IMMT: variants seen among roughly 807,000 people sequenced by gnomAD.
IMMT encodes the protein inner membrane mitochondrial protein, also known as MICOS complex subunit MIC60.
IMMT carries 40 observed loss-of-function variants against 92.7 expected under a neutral mutation model. The ratio of observed to expected loss-of-function variants is 0.43; its 90% CI spans 0.34 to 0.56. The LOEUF (loss-of-function observed/expected upper bound fraction) is 0.56. IMMT is among the 20% of genes least tolerant of loss of function. The pLI is 0.03. For missense variants in IMMT, 831 were observed against 912.1 expected (o/e 0.91, Z 1.14); for synonymous variants, 322 against 336.1 (o/e 0.96, Z 0.46).
chr2:86,171,211 A>C lies in IMMT; in HGVS notation c.556T>G (p.Ser186Ala). ...IGEGKPTPAL[S>A]EEASSSSIRE... ...CAAATAGAAATAATTAAATTACCTGAAAGTGCAGGTGTGGGTTTTCCTTCA... is the reference window on the plus strand; with the variant it reads ...CAAATAGAAATAATTAAATTACCTGCAAGTGCAGGTGTGGGTTTTCCTTCA... Residue 186 changes from serine (S) to alanine (A), a missense_variant, in exon 5 of 15, where the codon TCA becomes GCA. Ser to Ala is a moderately conservative substitution (Grantham distance 99). Transcript: ENST00000410111. 1 of 1,587,670 alleles carries C rather than the reference A, an allele frequency of 6.3e-7. No homozygotes were observed. The highest frequency in any genetic ancestry group is 8.6e-7 in the Non-Finnish European group (1 of 1,165,922).
chr2:86,166,487 C>T, intron 7 of IMMT, 21 bp downstream of exon 7: 2 of 1,597,316 alleles, frequency 1.3e-6, no homozygotes, highest in Non-Finnish European at 1.7e-6. Context: ...CAGAACACTT[C>T]TAATCATTCA....
At chr2:86,172,877 T>G (rs928230992) in intron 4 of IMMT, among the ~76,000 whole-genome samples, 1 of 152,186 alleles carries the variant, frequency 6.6e-6, no homozygotes, top group Non-Finnish European at 1.5e-5. Context: ...CCCTTCCAGG[T>G]AAGGTATTCC....
rs1398164686 is a variant in IMMT at position 86,156,165 on chromosome 2, G to A, written c.1162+2427C>T. ...TGTACTGCATGATGTTTAGCAGCAC[G>A]TCTGGCCTCCACCCACTACATGCCA... is the stretch of plus-strand genomic sequence containing the variant. On this transcript the variant is annotated intron_variant, in intron 10 of 14. Transcript: ENST00000410111. Among the ~76,000 whole-genome samples, 4 of 152,158 alleles carry A rather than the reference G, an allele frequency of 2.6e-5. 1 individual carries two copies. Among genetic ancestry groups the A allele is most frequent in the African/African-American group, 9.7e-5 (4 of 41,430 alleles).
chr2:86,160,589 T>A (rs1473970522), intron 8 of IMMT, among the ~76,000 whole-genome samples: 1 of 152,064 alleles, frequency 6.6e-6, no homozygotes, highest in Non-Finnish European at 1.5e-5. Flanking sequence ...CTACTAATAA[T>A]AAATATTTTC....
intron 1 of IMMT, among the ~76,000 whole-genome samples, chr2:86,194,297 G>C (rs1412557272): frequency 6.6e-6 from 1 of 152,220 alleles, no homozygotes; most frequent in East Asian, 1.9e-4. Flanking sequence ...CTATCCTACA[G>C]AACCCGTAAG....
chr2:86,165,489 G>A (rs1308247403), intron 7 of IMMT, among the ~76,000 whole-genome samples: 7 of 152,110 alleles, frequency 4.6e-5, no homozygotes, highest in Admixed American at 4.6e-4. Flanking sequence ...AAGTACATAC[G>A]ACTGAAACAA....
At position 86,158,738 on chromosome 2, in the gene IMMT, G is replaced by C. The variant is rs201349422; in HGVS notation, c.1033-17C>G. On this transcript the variant is annotated splice_polypyrimidine_tract_variant and intron_variant, in intron 9 of 14. Coordinates refer to ENST00000410111, the MANE Select transcript of IMMT (RefSeq NM_006839.3). ...TGCTTGGACCTGAGCAAATACACAG[G>C]GTATGTGATTAAATTGAACAAAAAA... is the stretch of plus-strand genomic sequence containing the variant. 36 of 1,575,118 alleles carry C rather than the reference G, an allele frequency of 2.3e-5. No homozygotes were observed. The African/African-American group carries it at 3.4e-4, about 15-fold the overall frequency.
chr2:86,168,325 T>A (rs1180688861), intron 6 of IMMT, among the ~76,000 whole-genome samples: 2 of 152,200 alleles, frequency 1.3e-5, no homozygotes, highest in Non-Finnish European at 2.9e-5. Flanking sequence ...GTAAGAATAC[T>A]AATTTAATAA....
chr2:86,144,917 T>A, intron 14 of IMMT, 36 bp from the exon 15 acceptor site: 1 of 1,549,782 alleles, frequency 6.5e-7, no homozygotes, highest in Non-Finnish European at 8.7e-7. Context: ...AACATTTTTC[T>A]CTCCATCTGA....
rs749744552 is a variant in IMMT at position 86,179,553 on chromosome 2, T to C, written c.189A>G (p.Leu63=). The change falls in exon 3 of 15, where the codon CTA becomes CTG. Residue 63 remains leucine (L), a synonymous_variant. Transcript: ENST00000410111. The part of the protein sequence containing the change: ...FVGGGIGGTI[L]YAKWDSHFRE... ...GGAAATGGGAATCCCATTTGGCATA[T>C]AGGATAGTGCCACCAATACCTCCAC... 6.2e-7 allele frequency: 1 copy of C among 1,613,162 alleles called. No homozygotes were observed. Among genetic ancestry groups the C allele is most frequent in the Non-Finnish European group, 8.5e-7 (1 of 1,179,532 alleles).
chr2:86,149,694 A>G (rs1238394934), intron 12 of IMMT, among the ~76,000 whole-genome samples: 8 of 152,144 alleles, frequency 5.3e-5, no homozygotes, highest in Non-Finnish European at 5.9e-5. Flanking sequence ...CCTGGCCAAC[A>G]TGGCAAAACC....
chr2:86,181,452 A>G, intron 1 of IMMT, 80 bp from the exon 2 acceptor site: 1 of 905,130 alleles, frequency 1.1e-6, no homozygotes, highest in Non-Finnish European at 1.7e-6. Context: ...CAGAAATAAT[A>G]CTTTTATTAA....
intron 8 of IMMT, among the ~76,000 whole-genome samples, chr2:86,161,698 T>G (rs1676289995): frequency 6.6e-6 from 1 of 151,818 alleles, no homozygotes; most frequent in South Asian, 2.1e-4. Context: ...GCATTTTTAA[T>G]AGAGACGGGG....
chr2:86,171,169 T>C, intron 5 of IMMT, 39 bp downstream of exon 5: 3 of 1,524,862 alleles, frequency 2.0e-6, no homozygotes, highest in Non-Finnish European at 2.7e-6. Context: ...CTGATGAGTG[T>C]ATCATGTATA....
chr2:86,159,409 CA>C (rs1676103495), intron 9 of IMMT, 126 bp downstream of exon 9: 3 of 860,784 alleles, frequency 3.5e-6, no homozygotes, highest in Middle Eastern at 2.2e-4. Flanking sequence ...AAAACAGTAA[CA>C]ACGAATACAC....
At chr2:86,157,419 G>A (rs1675927565) in intron 10 of IMMT, among the ~76,000 whole-genome samples, 1 of 152,128 alleles carries the variant, frequency 6.6e-6, no homozygotes, top group Non-Finnish European at 1.5e-5. Context: ...GTTCTGTGAT[G>A]CAACCCTGAC....
rs1344323428 is a variant in IMMT at position 86,147,943 on chromosome 2, G to A, written c.1402-110C>T. The A allele has an allele frequency of 3.0e-5, 30 of 1,000,872 alleles. No homozygotes were observed. The East Asian group carries it at 3.2e-4, about 11-fold the overall frequency. 62.0% of individuals were successfully genotyped at this position (1,000,872 alleles called of 1,614,324 possible). ...CAACAGCAGCTTCCATATCCTGAACGCCTCTAATGTGCCAGGCATGTGTAC... is the reference window on the plus strand; with the variant it reads ...CAACAGCAGCTTCCATATCCTGAACACCTCTAATGTGCCAGGCATGTGTAC... On this transcript the variant is annotated intron_variant, in intron 12 of 14. Coordinates refer to ENST00000410111, the MANE Select transcript of IMMT (RefSeq NM_006839.3).
intron 4 of IMMT, chr2:86,173,397 A>T (rs1202617182): frequency 1.1e-5 from 4 of 362,108 alleles, no homozygotes; most frequent in African/African-American, 8.7e-5. Context: ...CCTGACCAAC[A>T]TGGAGAAACT....
chr2:86,162,341 G>GT (rs572177860), intron 7 of IMMT, among the ~76,000 whole-genome samples: 69,493 of 140,092 alleles, frequency 0.5, 16,913 homozygotes, highest in Non-Finnish European at 0.52. Flanking sequence ...AAGGAGAGTT[G>GT]TTTTTTTTTT....
Sources: allele counts gnomAD v4.1 joint callset (sites outside exome capture counted in the v4.1 genomes callset), GRCh38; gene constraint gnomAD v4.1.1; transcripts MANE v1.5; gene names NCBI Gene and HGNC (gene_info 2026-07-23, HGNC 2026-07-21).